Variants in IGFBP4 observed in about 807,000 individuals in gnomAD.
IGFBP4 encodes insulin like growth factor binding protein 4.
IGFBP4 carries 9 observed loss-of-function variants against 25.8 expected under a neutral mutation model. The ratio of observed to expected loss-of-function variants is 0.35; its 90% CI spans 0.21 to 0.61. The LOEUF (loss-of-function observed/expected upper bound fraction) is 0.61, where lower values mean the gene tolerates loss of function less well. Among genes scored for constraint, IGFBP4 ranks in the 20% least tolerant of loss-of-function variants. The pLI, the probability that IGFBP4 is intolerant of heterozygous loss-of-function variation, is 0.77. For missense variants in IGFBP4, 315 were observed against 365.3 expected, an observed-to-expected ratio of 0.86 and a Z score of 1.12; for synonymous variants, 153 against 153.9, an observed-to-expected ratio of 0.99 and a Z score of 0.05.
chr17:40,447,046 G>A (rs2035651744), intron 1 of IGFBP4, among the ~76,000 whole-genome samples: 2 of 152,220 alleles, frequency 1.3e-5, no homozygotes, highest in Admixed American at 1.3e-4. Context: ...CCACTGGCCC[G>A]CGAATAGCTT....
intron 3 of IGFBP4, among the ~76,000 whole-genome samples, chr17:40,456,187 A>G (rs1003755639): frequency 6.6e-6 from 1 of 152,194 alleles, no homozygotes; most frequent in Non-Finnish European, 1.5e-5. Flanking sequence ...CCAGCCTTTC[A>G]AATCCAGCTG....
chr17:40,445,357 T>G (rs993506190), intron 1 of IGFBP4, among the ~76,000 whole-genome samples: 6 of 152,256 alleles, frequency 3.9e-5, no homozygotes, highest in Non-Finnish European at 7.3e-5. Flanking sequence ...GACCCTGTTT[T>G]GCTCTCCTGT....
chr17:40,449,763 G>GGA (rs764526619), intron 1 of IGFBP4, among the ~76,000 whole-genome samples: 3 of 149,766 alleles, frequency 2.0e-5, no homozygotes, highest in African/African-American at 7.4e-5. Flanking sequence ...AAAAAAAAAA[G>GGA]GAGAGAGAGA....
At chr17:40,446,533 T>G (rs1378240347) in intron 1 of IGFBP4, among the ~76,000 whole-genome samples, 1 of 152,110 alleles carries the variant, frequency 6.6e-6, no homozygotes, top group African/African-American at 2.4e-5. Context: ...GGAGAATCAC[T>G]TGAACCCGGG....
intron 1 of IGFBP4, among the ~76,000 whole-genome samples, chr17:40,449,563 A>G (rs2035670391): frequency 6.6e-6 from 1 of 152,208 alleles, no homozygotes; most frequent in Admixed American, 6.5e-5. Context: ...CCTGGCTAAC[A>G]CGGTGAAACT....
Position 40,453,807 on chromosome 17 carries a change from C to T in IGFBP4, c.508-121C>T. 1 of 676,720 alleles carries T rather than the reference C, an allele frequency of 1.5e-6. No homozygotes were observed. The allele number at this position is 676,720 out of a possible 1,614,324, so 41.9% of individuals were successfully genotyped here. A position where few individuals can be genotyped will look rare whatever the true frequency, so the allele number is the denominator to read the frequency against. On this transcript the variant is annotated intron_variant, in intron 2 of 3. Transcript: ENST00000269593. The surrounding 1 kb of genome is among the most constrained non-coding windows in gnomAD (Gnocchi z 4.0). ...TCTCTCTTCACCTCACTGGGTCCTG[C>T]CCAGCCCCTGGGGCTCAGGCCTCCT...
Position 40,453,791 on chromosome 17 carries a change from A to G in IGFBP4, c.508-137A>G, listed in dbSNP as rs1597676377. ...CCTCCAGACCCAGGCCTCTCTCTTC[A>G]CCTCACTGGGTCCTGCCCAGCCCCT... On this transcript the variant is annotated intron_variant, in intron 2 of 3. Coordinates refer to ENST00000269593, the MANE Select transcript of IGFBP4 (RefSeq NM_001552.3). The surrounding 1 kb of genome is among the most constrained non-coding windows in gnomAD (Gnocchi z 4.0). 1 of 575,696 alleles carries G rather than the reference A, an allele frequency of 1.7e-6. No homozygotes were observed. Among genetic ancestry groups the G allele is most frequent in the Non-Finnish European group, 3.0e-6 (1 of 338,844 alleles). 35.7% of individuals were successfully genotyped at this position (575,696 alleles called of 1,614,324 possible).
intron 3 of IGFBP4, 105 bp downstream of exon 3, chr17:40,454,167 C>T (rs1272958711): frequency 2.7e-6 from 4 of 1,469,016 alleles, no homozygotes; most frequent in Admixed American, 2.4e-5. Flanking sequence ...GGGGAAACTC[C>T]TCAACCCCAA....
intron 3 of IGFBP4, 49 bp from the exon 4 acceptor site, chr17:40,456,400 G>T: frequency 6.2e-7 from 1 of 1,609,442 alleles, no homozygotes; most frequent in East Asian, 2.2e-5. Flanking sequence ...GTCACTTGGG[G>T]TCTCTTTTCC....
intron 1 of IGFBP4, among the ~76,000 whole-genome samples, chr17:40,444,985 A>AGG (rs2035636462): frequency 7.7e-6 from 1 of 129,372 alleles, no homozygotes; most frequent in African/African-American, 3.0e-5. Context: ...AGAGAGAGAG[A>AGG]CTCTGAGAAG....
Position 40,443,936 on chromosome 17 carries a change from C to T in IGFBP4, c.201C>T (p.Cys67=). 6.5e-7 allele frequency: 1 copy of T among 1,531,718 alleles called. No homozygotes were observed. Among genetic ancestry groups the T allele is most frequent in the African/African-American group, 1.4e-5 (1 of 72,642 alleles). The allele number at this position is 1,531,718 out of a possible 1,614,324, so 94.9% of individuals were successfully genotyped here. Residue 67 remains cysteine (C), a synonymous_variant, in exon 1 of 4, where the codon TGC becomes TGT. Coordinates refer to ENST00000269593, the MANE Select transcript of IGFBP4 (RefSeq NM_001552.3). ...GCGCCCTGGGCTTGGGGATGCCCTGCGGGGTGTACACCCCCCGTTGCGGCT... is the reference window on the plus strand; with the variant it reads ...GCGCCCTGGGCTTGGGGATGCCCTGTGGGGTGTACACCCCCCGTTGCGGCT... The part of the protein sequence containing the change: ...ATCALGLGMP[C]GVYTPRCGSG...
At chr17:40,447,834 T>C (rs2035658003) in intron 1 of IGFBP4, among the ~76,000 whole-genome samples, 1 of 151,900 alleles carries the variant, frequency 6.6e-6, no homozygotes, top group Non-Finnish European at 1.5e-5. Flanking sequence ...AAGATGGTGA[T>C]GAAGAAGCTG....
At chr17:40,445,473 T>G (rs796931765) in intron 1 of IGFBP4, among the ~76,000 whole-genome samples, 6 of 152,358 alleles carry the variant, frequency 3.9e-5, no homozygotes, top group African/African-American at 1.4e-4. Flanking sequence ...ACCCAAACCC[T>G]CCACTTCCTC....
intron 1 of IGFBP4, among the ~76,000 whole-genome samples, chr17:40,452,026 T>TG (rs1361901129): frequency 6.6e-6 from 1 of 152,066 alleles, no homozygotes; most frequent in African/African-American, 2.4e-5. Context: ...TTTGTGAAGA[T>TG]GGGGTCTTGC....
At chr17:40,446,904 C>T (rs1233686893) in intron 1 of IGFBP4, among the ~76,000 whole-genome samples, 2 of 152,204 alleles carry the variant, frequency 1.3e-5, no homozygotes, top group Middle Eastern at 3.2e-3. Flanking sequence ...ATGTAAAAGG[C>T]ACTCTCTAGA....
rs2035715820 is a variant in IGFBP4, at chr17:40,456,575, CGA to C, written c.773_774del (p.Glu258ValfsTer84). ...LDCHQLADSFRE is the reference protein window; with the variant it reads ...LDCHQLADSFXE ...CTGCCACCAGCTGGCTGACAGCTTT[CGA>C]GAGTGAGGCCTGCCAGCAGGCCAGG... is the stretch of plus-strand genomic sequence containing the variant. On this transcript the variant is annotated frameshift_variant, in exon 4 of 4. Transcript: ENST00000269593. LOFTEE classifies it high-confidence loss of function. 1 of 1,612,386 alleles carries C rather than the reference CGA, an allele frequency of 6.2e-7. No homozygotes were observed. The highest frequency in any genetic ancestry group is 8.5e-7 in the Non-Finnish European group (1 of 1,179,642).
At chr17:40,456,418 G>C (rs1481289660) in intron 3 of IGFBP4, 31 bp from the exon 4 acceptor site, 2 of 1,613,464 alleles carry the variant, frequency 1.2e-6, no homozygotes, top group East Asian at 2.2e-5. Flanking sequence ...TCCTGCGTCG[G>C]AACTGACCCC....
chr17:40,452,898 G>A, intron 1 of IGFBP4, 87 bp from the exon 2 acceptor site: 1 of 1,139,178 alleles, frequency 8.8e-7, no homozygotes, highest in Admixed American at 2.9e-5. Context: ...GAATCCCCAG[G>A]AAGGAGAACG....
rs1222924761 is a variant in IGFBP4, at chr17:40,443,830, A to C, written c.95A>C (p.Glu32Ala). 20 of 1,535,386 alleles carry C rather than the reference A, an allele frequency of 1.3e-5. No homozygotes were observed. The highest frequency in any genetic ancestry group is 1.7e-5 in the Non-Finnish European group (20 of 1,147,576). ...DEAIHCPPCS[E>A]EKLARCRPPV... ...GCCATCCACTGCCCGCCCTGCTCCG[A>C]GGAGAAGCTGGCGCGCTGCCGCCCC... The change falls in exon 1 of 4, where the codon GAG becomes GCG. Residue 32 changes from glutamate (E) to alanine (A), a missense_variant. By Grantham distance (107) the Glu-to-Ala change is moderately radical. Coordinates refer to ENST00000269593, the MANE Select transcript of IGFBP4 (RefSeq NM_001552.3).
Sources: gnomAD v4.1 joint callset for allele counts (sites outside exome capture counted in the v4.1 genomes callset) on GRCh38, gnomAD v4.1.1 for gene constraint, Gnocchi (gnomAD v3.1) non-coding constraint, MANE v1.5 for transcripts, NCBI Gene and HGNC (gene_info 2026-07-23, HGNC 2026-07-21) for gene names.